FGF14: variants seen among roughly 807,000 people sequenced by gnomAD.
FGF14 encodes the protein fibroblast growth factor homologous factor 4.
A neutral mutation model predicts 25.5 loss-of-function variants in FGF14; 5 were observed. The observed-to-expected ratio is 0.20, with a 90% confidence interval of 0.10 to 0.41. The LOEUF (loss-of-function observed/expected upper bound fraction) is 0.41, where lower values mean the gene tolerates loss of function less well. FGF14 is among the 10% of genes least tolerant of loss of function. The pLI is 1.00. For missense variants in FGF14, 222 were observed against 320.1 expected, an observed-to-expected ratio of 0.69 and a Z score of 2.34; for synonymous variants, 138 against 118.3, an observed-to-expected ratio of 1.17 and a Z score of -1.08.
chr13:101,998,921 AT>A (rs943225660), intron 1 of FGF14, among the ~76,000 whole-genome samples: 3 of 152,050 alleles, frequency 2.0e-5, no homozygotes, highest in African/African-American at 7.2e-5. Context: ...TTAAACACCC[AT>A]TTTTTTCTTT....
chr13:102,112,025 C>T (rs2045254571), intron 1 of FGF14, among the ~76,000 whole-genome samples: 1 of 152,152 alleles, frequency 6.6e-6, no homozygotes, highest in South Asian at 2.1e-4. Flanking sequence ...CATCATAGCT[C>T]AAATAAAGTC....
intron 3 of FGF14, among the ~76,000 whole-genome samples, chr13:101,729,446 G>A (rs777793708): frequency 6.6e-6 from 1 of 152,122 alleles, no homozygotes; most frequent in Non-Finnish European, 1.5e-5. Context: ...ACACGTAAAT[G>A]GGAAGCAATG....
chr13:102,015,206 CCTG>C (rs2040276645), intron 1 of FGF14, among the ~76,000 whole-genome samples: 1 of 152,132 alleles, frequency 6.6e-6, no homozygotes, highest in Non-Finnish European at 1.5e-5. Context: ...CCGTGCTCAG[CCTG>C]CTAAAATTTA....
At chr13:102,161,620 A>G (rs1414290617) in intron 1 of FGF14, among the ~76,000 whole-genome samples, 24 of 5,690 alleles carry the variant, frequency 4.2e-3, no homozygotes, top group Admixed American at 5.9e-3. Context: ...GAAGAAGAAG[A>G]AGAAGAAGAA....
chr13:102,184,310 T>TG (rs889841447), intron 1 of FGF14, among the ~76,000 whole-genome samples: 4 of 151,144 alleles, frequency 2.6e-5, no homozygotes, highest in African/African-American at 9.7e-5. Context: ...GGAAGAAAGG[T>TG]GGGGGAGGGC....
At chr13:102,320,282 C>A (rs1447297185) in intron 1 of FGF14, among the ~76,000 whole-genome samples, 7 of 149,434 alleles carry the variant, frequency 4.7e-5, no homozygotes, top group Non-Finnish European at 8.9e-5. Flanking sequence ...AAAAAAATGA[C>A]CCTCATGAGA....
At chr13:101,962,101 T>C (rs1032210430) in intron 1 of FGF14, among the ~76,000 whole-genome samples, 1 of 152,182 alleles carries the variant, frequency 6.6e-6, no homozygotes, top group Non-Finnish European at 1.5e-5. Flanking sequence ...CTGTGAAGAA[T>C]GTCAATGGTA....
In FGF14 at chr13:102,048,363, G is replaced by A. The variant is rs117857795; in HGVS notation, c.209-173067C>T. On this transcript the variant is annotated intron_variant, in intron 1 of 4. Coordinates refer to the FGF14 transcript ENST00000376131. Reference sequence around the variant, plus strand: ...TTGTATGGGATAATGGACACATGAAGAGTTTGCAGAGTGCCTGATACCTTG... The same window carrying A: ...TTGTATGGGATAATGGACACATGAAAAGTTTGCAGAGTGCCTGATACCTTG... Among the ~76,000 whole-genome samples the A allele has an allele frequency of 7.0e-4, 106 of 152,330 alleles. 7 individuals are homozygous for A. In the East Asian group the frequency reaches 0.02, roughly 29 times the overall value.
intron 3 of FGF14, among the ~76,000 whole-genome samples, chr13:101,735,080 G>A (rs9513940): frequency 0.36 from 55,372 of 151,898 alleles, 12,395 homozygotes; most frequent in Non-Finnish European, 0.49. Context: ...GGCTACTCTC[G>A]CTGGAGGAGA....
intron 1 of FGF14, 142 bp from the exon 2 acceptor site, chr13:101,875,438 T>C: frequency 1.5e-6 from 1 of 686,080 alleles, no homozygotes; most frequent in South Asian, 1.6e-5. Flanking sequence ...TTCTTCTGTG[T>C]TTTATCAAAC....
At position 102,373,422 on chromosome 13, in the gene FGF14, A is replaced by G. The variant is rs1480980981; in HGVS notation, c.208+28049T>C. On this transcript the variant is annotated intron_variant, in intron 1 of 4. Transcript: ENST00000376131. ...CTGCTCATCCCTTCTCTGTTTCCCC[A>G]GGTTGCAGAAAATGAAATGACCATA... 2 of 152,202 alleles carry G rather than the reference A, an allele frequency of 1.3e-5. 1 individual carries two copies. Among genetic ancestry groups the G allele is most frequent in the Admixed American group, 1.3e-4 (2 of 15,264 alleles). 9.4% of individuals were successfully genotyped at this position (152,202 alleles called of 1,614,324 possible). A position where few individuals can be genotyped will look rare whatever the true frequency, so the allele number is the denominator to read the frequency against.
Position 101,711,405 on chromosome 13 carries a change from AAAAGAG to A in FGF14, c.*11420_*11425del, listed in dbSNP as rs1412774659. The A allele has an allele frequency of 6.6e-6, 1 of 152,388 alleles. No homozygotes were observed. Among genetic ancestry groups the A allele is most frequent in the Non-Finnish European group, 1.5e-5 (1 of 68,102 alleles). 9.4% of individuals were successfully genotyped at this position (152,388 alleles called of 1,614,324 possible). On this transcript the variant is annotated 3_prime_UTR_variant, in exon 5 of 5. Transcript: ENST00000376143. Reference sequence around the variant, plus strand: ...CCCACAACCTGTCCCACATCCCCAGAAAAGAGAAAGAGTGAAAGATGCTTCACAAAA... The same window carrying A: ...CCCACAACCTGTCCCACATCCCCAGAAAAGAGTGAAAGATGCTTCACAAAA...
intron 1 of FGF14, among the ~76,000 whole-genome samples, chr13:102,078,589 A>G (rs1177396230): frequency 6.6e-6 from 1 of 152,136 alleles, no homozygotes; most frequent in Non-Finnish European, 1.5e-5. Flanking sequence ...AGCAGGTATC[A>G]GGGGAGGCTT....
intron 1 of FGF14, among the ~76,000 whole-genome samples, chr13:102,178,330 T>C (rs2048529458): frequency 6.6e-6 from 1 of 152,140 alleles, no homozygotes; most frequent in Non-Finnish European, 1.5e-5. Flanking sequence ...CTGACTTAGG[T>C]CACCAGTTTC....
At chr13:101,854,900 A>C (rs999559642) in intron 3 of FGF14, among the ~76,000 whole-genome samples, 4 of 152,010 alleles carry the variant, frequency 2.6e-5, no homozygotes, top group African/African-American at 9.7e-5. Flanking sequence ...GCCTCCACAA[A>C]TGAGTGTGCA....
In FGF14 at chr13:101,873,187, G is replaced by T. The variant is rs1421197338; in HGVS notation, c.304+1999C>A. Among the ~76,000 whole-genome samples the T allele has an allele frequency of 2.6e-5, 4 of 152,054 alleles. No homozygotes were observed. In the South Asian group the frequency reaches 8.3e-4, roughly 32 times the overall value. ...ATTTAGAAAGTGCTTATTCAATTCT[G>T]AAGCAGTATGCTTTTAAAAGGCAAT... is the stretch of plus-strand genomic sequence containing the variant. On this transcript the variant is annotated intron_variant, in intron 2 of 4. Coordinates refer to ENST00000376143, the MANE Select transcript of FGF14 (RefSeq NM_004115.4).
chr13:102,167,066 C>A (rs758610503), intron 1 of FGF14, among the ~76,000 whole-genome samples: 1 of 151,862 alleles, frequency 6.6e-6, no homozygotes, highest in Non-Finnish European at 1.5e-5. Flanking sequence ...TTTGGGAGGC[C>A]GAGGCAGGTG....
intron 1 of FGF14, among the ~76,000 whole-genome samples, chr13:102,333,930 C>G (rs1344521422): frequency 6.6e-6 from 1 of 152,076 alleles, no homozygotes; most frequent in Non-Finnish European, 1.5e-5. Context: ...TTTATTTTCA[C>G]CACTTTTCCC....
intron 1 of FGF14, among the ~76,000 whole-genome samples, chr13:102,105,012 A>C (rs2044839895): frequency 6.6e-6 from 1 of 152,236 alleles, no homozygotes; most frequent in Admixed American, 6.5e-5. Context: ...AATCCAGGAT[A>C]CACAGCAAAA....
Sources: allele counts gnomAD v4.1 joint callset (sites outside exome capture counted in the v4.1 genomes callset), GRCh38; gene constraint gnomAD v4.1.1; transcripts MANE v1.5; gene names NCBI Gene and HGNC (gene_info 2026-07-23, HGNC 2026-07-21).